ZNF69: variants seen among roughly 807,000 people sequenced by gnomAD.
ZNF69 encodes the protein ZNF3.
Under a neutral mutation model 50.9 loss-of-function variants are expected in ZNF69, and 47 were observed. The observed-to-expected ratio is 0.92, with a 90% confidence interval of 0.73 to 1.18. The LOEUF is 1.18. ZNF69 is among the 50% of genes most tolerant of loss of function. The pLI, the probability that ZNF69 is intolerant of heterozygous loss-of-function variation, is 0.00. For missense variants in ZNF69, 717 were observed against 675.1 expected, an observed-to-expected ratio of 1.06 and a Z score of -0.69; for synonymous variants, 216 against 223.1, an observed-to-expected ratio of 0.97 and a Z score of 0.29.
At chr19:11,969,586 A>G in the ZNF69 span, among the ~76,000 whole-genome samples, 3 of 152,134 alleles carry the variant, frequency 2.0e-5, no homozygotes, top group African/African-American at 7.2e-5. Flanking sequence ...CACCTCACAC[A>G]GTTTGGCCTC....
the ZNF69 span, among the ~76,000 whole-genome samples, chr19:11,962,410 G>T: frequency 2.0e-5 from 3 of 152,312 alleles, no homozygotes; most frequent in East Asian, 5.8e-4. Flanking sequence ...TGTTTCCCAG[G>T]CTGGAGTGCA....
chr19:11,893,522 C>A (rs778242761), intron 1 of ZNF69, among the ~76,000 whole-genome samples: 3 of 152,200 alleles, frequency 2.0e-5, no homozygotes, highest in Non-Finnish European at 4.4e-5. Context: ...TTCTGCCTCT[C>A]CTCCTTTTAT....
At chr19:11,907,071 G>C (rs989654867), downstream of ZNF69, among the ~76,000 whole-genome samples, 1 of 152,034 alleles carries the variant, frequency 6.6e-6, no homozygotes, top group African/African-American at 2.4e-5. Context: ...TGGAAGAAAA[G>C]GTATCAGTAA....
At chr19:11,928,689 G>A in the ZNF69 span, among the ~76,000 whole-genome samples, 1 of 136,218 alleles carries the variant, frequency 7.3e-6, no homozygotes, top group Admixed American at 7.5e-5. Flanking sequence ...CCGAGATCCC[G>A]CCACTGCATT....
At chr19:11,961,958 C>CAT in the ZNF69 span, among the ~76,000 whole-genome samples, 30 of 144,936 alleles carry the variant, frequency 2.1e-4, no homozygotes, top group East Asian at 8.0e-4. Context: ...CACACACACA[C>CAT]ATATATATTG....
chr19:11,942,990 A>G, the ZNF69 span, among the ~76,000 whole-genome samples: 438 of 152,288 alleles, frequency 2.9e-3, 4 homozygotes, highest in African/African-American at 9.4e-3. Context: ...AGACAGATCA[A>G]TAGTGGTTAA....
At chr19:11,960,679 A>G in the ZNF69 span, among the ~76,000 whole-genome samples, 1 of 151,906 alleles carries the variant, frequency 6.6e-6, no homozygotes, top group Non-Finnish European at 1.5e-5. Context: ...ACAACTGCAT[A>G]CTAACCAAGG....
chr19:11,945,356 G>A, the ZNF69 span, among the ~76,000 whole-genome samples: 1 of 152,214 alleles, frequency 6.6e-6, no homozygotes, highest in Non-Finnish European at 1.5e-5. Flanking sequence ...GGCTGCAGAT[G>A]ACCTGCTTTC....
At chr19:11,944,119 A>G in the ZNF69 span, among the ~76,000 whole-genome samples, 1 of 152,100 alleles carries the variant, frequency 6.6e-6, no homozygotes, top group Non-Finnish European at 1.5e-5. Context: ...TGAACTGGGG[A>G]GAATAAGCTA....
At chr19:11,925,058 G>C in the ZNF69 span, 1 of 750,920 alleles carries the variant, frequency 1.3e-6, no homozygotes, top group Non-Finnish European at 2.2e-6. Context: ...CAGAGGTGCT[G>C]GGGCGTGGCA....
Position 11,905,151 on chromosome 19 carries a change from C to G in ZNF69, c.754C>G (p.Gln252Glu), listed in dbSNP as rs776626332. 2.5e-6 allele frequency: 4 copies of G among 1,613,958 alleles called. No homozygotes were observed. In the African/African-American group the frequency reaches 5.3e-5, roughly 22 times the overall value. Residue 252 changes from glutamine (Q) to glutamate (E), a missense_variant, in exon 4 of 4, where the codon CAA (glutamine) becomes GAA (glutamate). Coordinates refer to ENST00000429654, the MANE Select transcript of ZNF69 (RefSeq NM_001364730.1). ...HTGEKPYECK[Q>E]CGKSFSYSAT... ...TGGAGAGAAACCATATGAATGTAAA[C>G]AATGTGGTAAATCCTTTAGTTATTC...
chr19:11,887,996 TG>T lies in ZNF69; in HGVS notation c.63+14del. 5.0e-6 allele frequency: 8 copies of T among 1,609,896 alleles called. No homozygotes were observed. Among genetic ancestry groups the T allele is most frequent in the Non-Finnish European group, 6.8e-6 (8 of 1,177,342 alleles). On this transcript the variant is annotated intron_variant, in intron 1 of 3. Transcript: ENST00000429654. ...TGAAAGCCAGGAAATGGTGCGTGTC[TG>T]GGGCCGGGTGTCGTGAGACGGGGGA... is the stretch of plus-strand genomic sequence containing the variant.
the ZNF69 span, among the ~76,000 whole-genome samples, chr19:11,943,601 A>G: frequency 3.3e-5 from 5 of 152,186 alleles, no homozygotes; most frequent in African/African-American, 1.2e-4. Context: ...TATGGTACAC[A>G]TCAGGTCGGG....
chr19:11,904,066 C>A, intron 3 of ZNF69, 101 bp downstream of exon 3: 1 of 1,391,294 alleles, frequency 7.2e-7, no homozygotes. Context: ...GGATCAAATA[C>A]ATTTATTTTT....
chr19:11,895,090 C>T (rs1977193612), intron 1 of ZNF69, among the ~76,000 whole-genome samples: 4 of 152,186 alleles, frequency 2.6e-5, no homozygotes, highest in South Asian at 2.1e-4. Context: ...GTGTTCCAGC[C>T]AGTATTGCCC....
At chr19:11,948,739 A>C in the ZNF69 span, 1 of 1,612,764 alleles carries the variant, frequency 6.2e-7, no homozygotes, top group Middle Eastern at 1.7e-4. Flanking sequence ...TTTATATCTT[A>C]TCCATGAAAG....
chr19:11,960,028 T>G, the ZNF69 span, among the ~76,000 whole-genome samples: 103 of 148,860 alleles, frequency 6.9e-4, no homozygotes, highest in East Asian at 0.014. Context: ...ATTTGTAGTG[T>G]TTTTTTTTTC....
chr19:11,978,933 G>C, the ZNF69 span: 1 of 1,614,204 alleles, frequency 6.2e-7, no homozygotes, highest in Non-Finnish European at 8.5e-7. Flanking sequence ...TCACACGGGA[G>C]AGAAGCCTTA....
the ZNF69 span, among the ~76,000 whole-genome samples, chr19:11,941,380 G>T: frequency 6.6e-6 from 1 of 152,244 alleles, no homozygotes; most frequent in Admixed American, 6.5e-5. Flanking sequence ...GGCCGCACAG[G>T]AGCCCATGGA....
Sources: allele counts gnomAD v4.1 joint callset (sites outside exome capture counted in the v4.1 genomes callset), GRCh38; gene constraint gnomAD v4.1.1; transcripts MANE v1.5; gene names NCBI Gene and HGNC (gene_info 2026-07-23, HGNC 2026-07-21).